Variants in SESN1 observed in about 807,000 individuals in gnomAD.
SESN1 encodes the protein sestrin-1.
SESN1 carries 30 observed loss-of-function variants against 59.3 expected under a neutral mutation model. The observed-to-expected ratio is 0.51, with a 90% CI of 0.38 to 0.69. SESN1 has a LOEUF of 0.69. SESN1 is among the 30% of genes least tolerant of loss of function. The probability of loss-of-function intolerance (pLI) is 0.00; values close to 1 mark genes in which losing one functional copy is unlikely to be tolerated. For missense variants in SESN1, 566 were observed against 673.0 expected, an observed-to-expected ratio of 0.84 and a Z score of 1.76; for synonymous variants, 197 against 219.9, an observed-to-expected ratio of 0.90 and a Z score of 0.92.
intron 1 of SESN1, among the ~76,000 whole-genome samples, chr6:109,085,482 G>A (rs955647742): frequency 1.3e-4 from 20 of 151,632 alleles, no homozygotes; most frequent in African/African-American, 4.9e-4. Flanking sequence ...TCGCACCACT[G>A]CACTCCAGCC....
intron 1 of SESN1, among the ~76,000 whole-genome samples, chr6:109,037,136 A>AT (rs1358837000): frequency 3.3e-5 from 5 of 152,232 alleles, no homozygotes; most frequent in Admixed American, 6.5e-5. Flanking sequence ...CCAATGGGCC[A>AT]TAAGTCCAGA....
intron 1 of SESN1, among the ~76,000 whole-genome samples, chr6:109,038,637 A>C (rs150808886): frequency 3.9e-5 from 6 of 152,388 alleles, no homozygotes; most frequent in South Asian, 2.1e-4. Flanking sequence ...ACACCCACTT[A>C]GGGGCATATG....
At chr6:109,060,661 A>G (rs1780716788) in intron 1 of SESN1, among the ~76,000 whole-genome samples, 1 of 152,238 alleles carries the variant, frequency 6.6e-6, no homozygotes, top group Admixed American at 6.5e-5. Context: ...TTAGTGCAGC[A>G]TCTGTAGGAT....
chr6:109,061,378 T>G (rs1171307299), intron 1 of SESN1, among the ~76,000 whole-genome samples: 1 of 152,346 alleles, frequency 6.6e-6, no homozygotes, highest in Admixed American at 6.5e-5. Flanking sequence ...ATTTTAAATT[T>G]TGAACACTTT....
intron 5 of SESN1, among the ~76,000 whole-genome samples, chr6:108,996,268 G>A (rs1332673225): frequency 6.6e-6 from 1 of 152,138 alleles, no homozygotes; most frequent in Non-Finnish European, 1.5e-5. Context: ...CAGTTATACT[G>A]AAATGCCCAG....
intron 6 of SESN1, among the ~76,000 whole-genome samples, chr6:108,993,847 C>T (rs1049956521): frequency 1.2e-4 from 18 of 151,764 alleles, no homozygotes; most frequent in Admixed American, 1.1e-3. Context: ...CTTGAGTAGC[C>T]GGTACTACAG....
rs141857336 is a variant in SESN1, at chr6:109,071,004, A to G, written c.279+22791T>C. Among the ~76,000 whole-genome samples the G allele has an allele frequency of 1.8e-4, 27 of 152,320 alleles. 1 individual carries two copies. The East Asian group carries it at 5.0e-3, about 28-fold the overall frequency. On this transcript the variant is annotated intron_variant, in intron 1 of 9. Coordinates refer to ENST00000436639, the MANE Select transcript of SESN1 (RefSeq NM_014454.3). ...AGGACGTTTTCCTCCTGGTTTACCC[A>G]TCTCATTTAAAGAGAAAAAGCTACA...
intron 1 of SESN1, among the ~76,000 whole-genome samples, chr6:109,071,018 G>A (rs907333202): frequency 6.6e-6 from 1 of 152,158 alleles, no homozygotes; most frequent in African/African-American, 2.4e-5. Flanking sequence ...CATTTAAAGA[G>A]AAAAAGCTAC....
chr6:109,016,493 AG>A (rs1394054455), intron 1 of SESN1, among the ~76,000 whole-genome samples: 8 of 152,144 alleles, frequency 5.3e-5, no homozygotes, highest in Non-Finnish European at 8.8e-5. Flanking sequence ...ATTAAGTTGT[AG>A]ATTCTTAACC....
At position 109,084,423 on chromosome 6, in the gene SESN1, G is replaced by A. The variant is rs114209758; in HGVS notation, c.279+9372C>T. On this transcript the variant is annotated intron_variant, in intron 1 of 9. Transcript: ENST00000436639. ...TAAAAATATAGCCGGGCATCGTGGC[G>A]GGAGCCTGTATTCCCAGCCACTTGG... 7.9e-3 allele frequency among the ~76,000 whole-genome samples: 1,195 copies of A among 152,114 alleles called. 21 individuals carry two copies. The highest frequency in any genetic ancestry group is 0.027 in the African/African-American group (1,141 of 41,494).
At position 109,009,562 on chromosome 6, in the gene SESN1, G is replaced by A. The variant is rs1407383296; in HGVS notation, c.280-7219C>T. On this transcript the variant is annotated intron_variant, in intron 1 of 9. Transcript: ENST00000436639. ...CTCAGTCAGCACGGACGGCGGGGGGGCGGGGCGGCGCCGACAAACAAGCCG... is the reference window on the plus strand; with the variant it reads ...CTCAGTCAGCACGGACGGCGGGGGGACGGGGCGGCGCCGACAAACAAGCCG... 1.7e-5 allele frequency: 17 copies of A among 1,016,186 alleles called. No homozygotes were observed. In the East Asian group the frequency reaches 7.8e-4, roughly 47 times the overall value. 62.9% of individuals were successfully genotyped at this position (1,016,186 alleles called of 1,614,324 possible).
In SESN1 at chr6:108,988,541, A is replaced by C. The variant is rs1363831843; in HGVS notation, c.1569+2T>G. ...AGTAAATAAGCCACAATAGGCACATACCTTCTCAGAGTGCTTGAACTGCCT... is the reference window on the plus strand; with the variant it reads ...AGTAAATAAGCCACAATAGGCACATCCCTTCTCAGAGTGCTTGAACTGCCT... On this transcript the variant is annotated splice_donor_variant, in intron 9 of 9. Coordinates refer to ENST00000436639, the MANE Select transcript of SESN1 (RefSeq NM_014454.3). LOFTEE classifies it high-confidence loss of function. 6.2e-7 allele frequency: 1 copy of C among 1,605,668 alleles called. No individual in the cohort carries two copies. Among genetic ancestry groups the C allele is most frequent in the African/African-American group, 1.3e-5 (1 of 74,510 alleles).
At position 109,054,154 on chromosome 6, in the gene SESN1, G is replaced by C. The variant is rs115957261; in HGVS notation, c.279+39641C>G. On this transcript the variant is annotated intron_variant, in intron 1 of 9. Coordinates refer to ENST00000436639, the MANE Select transcript of SESN1 (RefSeq NM_014454.3). The stretch of plus-strand genomic sequence containing the variant: ...GTAATTGTCAATTTAATTTTCTGCC[G>C]ATTATTCATACCAATGATGAAAAAC... Among the ~76,000 whole-genome samples, 816 of 151,836 alleles carry C rather than the reference G, an allele frequency of 5.4e-3. 6 individuals are homozygous for C. The highest frequency in any genetic ancestry group is 0.019 in the African/African-American group (774 of 41,408).
intron 1 of SESN1, among the ~76,000 whole-genome samples, chr6:109,026,950 A>T (rs1780104101): frequency 6.6e-6 from 1 of 151,928 alleles, no homozygotes; most frequent in Non-Finnish European, 1.5e-5. Flanking sequence ...AGGATGGATC[A>T]CTTGAGGCCT....
intron 1 of SESN1, among the ~76,000 whole-genome samples, chr6:109,058,306 T>C (rs1487721155): frequency 6.6e-5 from 10 of 152,078 alleles, no homozygotes; most frequent in Non-Finnish European, 1.5e-4. Context: ...CTTAGATATA[T>C]TTAGATATAC....
chr6:109,093,849 C>T lies in SESN1; in HGVS notation c.225G>A (p.Arg75=). 6.2e-7 allele frequency: 1 copy of T among 1,614,196 alleles called. No homozygotes were observed. The highest frequency in any genetic ancestry group is 8.5e-7 in the Non-Finnish European group (1 of 1,180,040). ...LLAHLLMLSK[R]CPFKDVREKS... ...TCTCTCTCACATCTTTGAAGGGACA[C>T]CTCTTAGAAAGCATAAGCAGATGAG... The change falls in exon 1 of 10, where the codon AGG becomes AGA. Residue 75 remains arginine (R), a synonymous_variant. Transcript: ENST00000436639.
At chr6:109,076,030 G>A (rs1781026829) in intron 1 of SESN1, among the ~76,000 whole-genome samples, 1 of 152,116 alleles carries the variant, frequency 6.6e-6, no homozygotes, top group Non-Finnish European at 1.5e-5. Flanking sequence ...TCATCCAAGG[G>A]CTTCTGCACT....
intron 1 of SESN1, among the ~76,000 whole-genome samples, chr6:109,047,549 A>C (rs1780473070): frequency 7.5e-6 from 1 of 134,006 alleles, no homozygotes; most frequent in East Asian, 2.3e-4. Flanking sequence ...CCCTACTGGG[A>C]AGTGAGGAGC....
intron 9 of SESN1, chr6:108,988,339 C>T: frequency 2.3e-6 from 1 of 429,940 alleles, no homozygotes; most frequent in Admixed American, 4.3e-5. Flanking sequence ...CGGGCCAGCC[C>T]ACCTGTGTTC....
Sources: allele counts gnomAD v4.1 joint callset (sites outside exome capture counted in the v4.1 genomes callset), GRCh38; gene constraint gnomAD v4.1.1; transcripts MANE v1.5; gene names NCBI Gene and HGNC (gene_info 2026-07-23, HGNC 2026-07-21).